Variants in CYP4X1 observed in about 807,000 individuals in gnomAD.
CYP4X1 encodes cytochrome P450 family 4 subfamily X member 1.
A neutral mutation model predicts 57.9 loss-of-function variants in CYP4X1; 44 were observed. The ratio of observed to expected loss-of-function variants is 0.76; its 90% CI spans 0.60 to 0.98. The LOEUF (loss-of-function observed/expected upper bound fraction) is 0.98, where lower values mean the gene tolerates loss of function less well. Among genes scored for constraint, CYP4X1 ranks in the 50% least tolerant of loss-of-function variants. CYP4X1 has a pLI of 0.00. For missense variants in CYP4X1, 532 were observed against 623.9 expected (o/e 0.85, Z 1.57); for synonymous variants, 227 against 228.6 (o/e 0.99, Z 0.06).
chr1:47,020,227 T>C (rs1226009958), upstream of CYP4X1, among the ~76,000 whole-genome samples: 1 of 152,170 alleles, frequency 6.6e-6, no homozygotes. Context: ...TTCGTCCACA[T>C]AGAAGACACA....
the CYP4X1 span, among the ~76,000 whole-genome samples, chr1:46,965,452 A>T: frequency 1.3e-5 from 2 of 151,964 alleles, no homozygotes; most frequent in Non-Finnish European, 2.9e-5. Context: ...TTTTTCTTTT[A>T]ACTCTCAGGC....
the CYP4X1 span, among the ~76,000 whole-genome samples, chr1:46,989,744 C>A: frequency 6.6e-6 from 1 of 152,144 alleles, no homozygotes; most frequent in Non-Finnish European, 1.5e-5. Flanking sequence ...AGAAATAACA[C>A]CACATATCTA....
At chr1:47,004,920 A>G in the CYP4X1 span, among the ~76,000 whole-genome samples, 1 of 152,336 alleles carries the variant, frequency 6.6e-6, no homozygotes, top group East Asian at 1.9e-4. Context: ...CCCAGCCTCC[A>G]GTTCCTATAT....
the CYP4X1 span, among the ~76,000 whole-genome samples, chr1:46,974,566 T>A: frequency 1.5e-4 from 23 of 152,294 alleles, no homozygotes; most frequent in African/African-American, 5.5e-4. Flanking sequence ...TATTTAAGTC[T>A]CTTCATAAGT....
At chr1:46,977,304 A>C in the CYP4X1 span, among the ~76,000 whole-genome samples, 1 of 152,182 alleles carries the variant, frequency 6.6e-6, no homozygotes, top group Non-Finnish European at 1.5e-5. Context: ...GCTGAAAACC[A>C]TGGCACGAGA....
chr1:46,986,773 C>T, the CYP4X1 span, among the ~76,000 whole-genome samples: 13 of 152,208 alleles, frequency 8.5e-5, no homozygotes, highest in Admixed American at 5.9e-4. Flanking sequence ...CATCTCCAAC[C>T]AAGCTAAGCT....
chr1:47,037,378 TCTC>T (rs1468874825), intron 6 of CYP4X1, among the ~76,000 whole-genome samples: 2 of 151,510 alleles, frequency 1.3e-5, no homozygotes, highest in African/African-American at 2.4e-5. Context: ...TTCAGGCAAT[TCTC>T]CTACCTCAGC....
the CYP4X1 span, among the ~76,000 whole-genome samples, chr1:46,992,859 A>G: frequency 6.6e-6 from 1 of 152,192 alleles, no homozygotes; most frequent in East Asian, 1.9e-4. Flanking sequence ...TATATTCACC[A>G]GCAATTTGTA....
intron 3 of CYP4X1, 47 bp downstream of exon 3, chr1:47,031,527 C>T (rs568544756): frequency 1.3e-6 from 2 of 1,596,720 alleles, no homozygotes; most frequent in South Asian, 2.2e-5. Flanking sequence ...ATTCAAAGTC[C>T]CCTTTCCATA....
chr1:47,031,006 A>G (rs1309368200), intron 2 of CYP4X1, among the ~76,000 whole-genome samples: 1 of 152,240 alleles, frequency 6.6e-6, no homozygotes, highest in Non-Finnish European at 1.5e-5. Flanking sequence ...GGACAAGAAC[A>G]GTAGAACACC....
At chr1:46,995,942 C>T in the CYP4X1 span, among the ~76,000 whole-genome samples, 1 of 152,156 alleles carries the variant, frequency 6.6e-6, no homozygotes, top group African/African-American at 2.4e-5. Flanking sequence ...TTATTCACCC[C>T]CTGAGATACA....
chr1:46,962,172 T>G, the CYP4X1 span, among the ~76,000 whole-genome samples: 4 of 152,100 alleles, frequency 2.6e-5, no homozygotes, highest in Non-Finnish European at 4.4e-5. Flanking sequence ...CAGGCTGGAG[T>G]GCAATGGCCT....
At chr1:46,975,223 C>T in the CYP4X1 span, among the ~76,000 whole-genome samples, 1 of 152,026 alleles carries the variant, frequency 6.6e-6, no homozygotes, top group African/African-American at 2.4e-5. Flanking sequence ...ATGTTGTTAG[C>T]TGGTTGTTAT....
rs745486385 is a variant in CYP4X1, at chr1:47,024,014, G to T, written c.177+20G>T. 6.2e-7 allele frequency: 1 copy of T among 1,603,062 alleles called. No homozygotes were observed. The highest frequency in any genetic ancestry group is 1.7e-5 in the Admixed American group (1 of 59,326). Reference sequence around the variant, plus strand: ...CAGAAGGTAGATGGGAGGGAGGAGGGAGGAAGGAGGAGGGAGGGGCGGAGG... The same window carrying T: ...CAGAAGGTAGATGGGAGGGAGGAGGTAGGAAGGAGGAGGGAGGGGCGGAGG... On this transcript the variant is annotated intron_variant, in intron 1 of 11. Coordinates refer to ENST00000371901, the MANE Select transcript of CYP4X1 (RefSeq NM_178033.2).
At chr1:47,016,214 GC>G in the CYP4X1 span, among the ~76,000 whole-genome samples, 1 of 151,748 alleles carries the variant, frequency 6.6e-6, no homozygotes, top group South Asian at 2.1e-4. Flanking sequence ...CGGGCTCCAG[GC>G]AGAATTCAAG....
At chr1:46,998,429 T>A in the CYP4X1 span, among the ~76,000 whole-genome samples, 65 of 152,318 alleles carry the variant, frequency 4.3e-4, 1 homozygote, top group Admixed American at 1.5e-3. Context: ...AATAGAGTTA[T>A]TAGTTTTTTC....
At position 47,029,497 on chromosome 1, in the gene CYP4X1, G is replaced by C. The variant is rs565048853; in HGVS notation, c.178-493G>C. 1.1e-4 allele frequency among the ~76,000 whole-genome samples: 17 copies of C among 152,324 alleles called. No individual in the cohort carries two copies. The East Asian group carries it at 3.3e-3, about 29-fold the overall frequency. ...TAGATAGAGTTGGCAATTTTTTAGA[G>C]AGAAGCATTTACTGCTAAGTCATGA... On this transcript the variant is annotated intron_variant, in intron 1 of 11. Coordinates refer to ENST00000371901, the MANE Select transcript of CYP4X1 (RefSeq NM_178033.2).
At chr1:47,040,030 A>C (rs531953969) in intron 8 of CYP4X1, among the ~76,000 whole-genome samples, 1 of 152,264 alleles carries the variant, frequency 6.6e-6, no homozygotes, top group South Asian at 2.1e-4. Flanking sequence ...AAGTTTAGCA[A>C]ATATGGACTG....
At chr1:46,979,202 A>T in the CYP4X1 span, among the ~76,000 whole-genome samples, 7 of 152,188 alleles carry the variant, frequency 4.6e-5, no homozygotes, top group Admixed American at 1.3e-4. Flanking sequence ...TTTTTTGAAA[A>T]GATCAACAAA....
Sources: gnomAD v4.1 joint callset for allele counts (sites outside exome capture counted in the v4.1 genomes callset) on GRCh38, gnomAD v4.1.1 for gene constraint, MANE v1.5 for transcripts, NCBI Gene and HGNC (gene_info 2026-07-23, HGNC 2026-07-21) for gene names.